Variants in ATP8A2 observed in about 807,000 individuals in gnomAD.
ATP8A2 encodes the protein phospholipid-transporting ATPase IB.
Under a neutral mutation model 165.6 loss-of-function variants are expected in ATP8A2, and 100 were observed. The observed-to-expected ratio is 0.60, with a 90% CI of 0.51 to 0.71. The LOEUF (loss-of-function observed/expected upper bound fraction) is 0.71, where lower values mean the gene tolerates loss of function less well. Among genes scored for constraint, ATP8A2 ranks in the 30% least tolerant of loss-of-function variants. ATP8A2 has a pLI of 0.00. For synonymous variants in ATP8A2, 543 were observed against 548.8 expected (o/e 0.99, Z 0.15); for missense variants, 1,227 against 1,479.5 (o/e 0.83, Z 2.80).
intron 33 of ATP8A2, chr13:25,871,214 G>A: frequency 2.4e-6 from 1 of 413,020 alleles, no homozygotes; most frequent in Admixed American, 3.2e-5. Flanking sequence ...CACATTACAT[G>A]CTGATTTTGT....
At chr13:25,989,819 G>A (rs1041554627) in intron 35 of ATP8A2, among the ~76,000 whole-genome samples, 1 of 152,108 alleles carries the variant, frequency 6.6e-6, no homozygotes, top group Non-Finnish European at 1.5e-5. Context: ...CATGCTTCCC[G>A]GAAGGGTGAA....
chr13:25,796,369 A>G (rs571395314), intron 27 of ATP8A2, among the ~76,000 whole-genome samples: 52 of 152,344 alleles, frequency 3.4e-4, no homozygotes, highest in African/African-American at 1.2e-3. Flanking sequence ...AGTGCTGGAA[A>G]TCATTCAATA....
chr13:25,885,250 C>G (rs1953108565), intron 33 of ATP8A2, among the ~76,000 whole-genome samples: 1 of 149,730 alleles, frequency 6.7e-6, no homozygotes, highest in Non-Finnish European at 1.5e-5. Flanking sequence ...GTAGCTGGGA[C>G]TACAGGTGCC....
At chr13:25,661,508 C>A (rs1245587873) in intron 24 of ATP8A2, among the ~76,000 whole-genome samples, 1 of 152,004 alleles carries the variant, frequency 6.6e-6, no homozygotes, top group East Asian at 1.9e-4. Flanking sequence ...TTCTTTCTTG[C>A]TCATTAACTT....
At chr13:25,896,771 C>G (rs1184244524) in intron 33 of ATP8A2, among the ~76,000 whole-genome samples, 2 of 152,056 alleles carry the variant, frequency 1.3e-5, no homozygotes, top group Non-Finnish European at 2.9e-5. Flanking sequence ...TGAATTGATC[C>G]CTTTACCATT....
intron 33 of ATP8A2, among the ~76,000 whole-genome samples, chr13:25,921,637 A>T (rs2139033735): frequency 6.6e-6 from 1 of 151,820 alleles, no homozygotes; most frequent in Admixed American, 6.6e-5. Flanking sequence ...AAAAAAAAAA[A>T]AGAAAAAAAC....
intron 10 of ATP8A2, among the ~76,000 whole-genome samples, chr13:25,548,820 G>A (rs1313451613): frequency 6.6e-6 from 1 of 152,212 alleles, no homozygotes; most frequent in Non-Finnish European, 1.5e-5. Context: ...AAAATCACCA[G>A]TACAATCCCC....
intron 35 of ATP8A2, among the ~76,000 whole-genome samples, chr13:26,004,380 A>G: frequency 6.6e-6 from 1 of 152,090 alleles, no homozygotes; most frequent in Non-Finnish European, 1.5e-5. Flanking sequence ...CAACCTTACT[A>G]AATTTACTAG....
rs1245061916 is a variant in ATP8A2, at chr13:25,836,462, G to A, written c.2755-701G>A. On this transcript the variant is annotated intron_variant, in intron 28 of 36. Coordinates refer to ENST00000381655, the MANE Select transcript of ATP8A2 (RefSeq NM_016529.6). ...CCAAATCATGTTGGTCTAATACCTT[G>A]CAGGTCAGATACTCTTTGGTGCAAG... Among the ~76,000 whole-genome samples the A allele has an allele frequency of 2.0e-5, 3 of 152,116 alleles. No homozygotes were observed. In the East Asian group the frequency reaches 5.8e-4, roughly 29 times the overall value.
intron 24 of ATP8A2, among the ~76,000 whole-genome samples, chr13:25,638,356 T>G (rs896312670): frequency 6.6e-6 from 1 of 151,816 alleles, no homozygotes; most frequent in African/African-American, 2.4e-5. Context: ...CTAAAAACCT[T>G]GAAAAAAGAT....
At chr13:25,745,042 G>A (rs1006242006) in intron 25 of ATP8A2, among the ~76,000 whole-genome samples, 1 of 152,072 alleles carries the variant, frequency 6.6e-6, no homozygotes, top group Non-Finnish European at 1.5e-5. Context: ...CCAGGTTCAA[G>A]CCGTTCTCCT....
chr13:25,570,023 A>G (rs1172524140), intron 16 of ATP8A2, among the ~76,000 whole-genome samples: 1 of 152,226 alleles, frequency 6.6e-6, no homozygotes, highest in Non-Finnish European at 1.5e-5. Flanking sequence ...CCCACTAGTT[A>G]TGAATGTGCT....
At chr13:25,903,047 C>T (rs1050238016) in intron 33 of ATP8A2, among the ~76,000 whole-genome samples, 6 of 151,604 alleles carry the variant, frequency 4.0e-5, no homozygotes, top group African/African-American at 9.7e-5. Context: ...ACCTGGGAGG[C>T]GGAGGTTGCA....
intron 33 of ATP8A2, among the ~76,000 whole-genome samples, chr13:25,943,749 A>G (rs1247109072): frequency 1.3e-5 from 2 of 152,256 alleles, no homozygotes; most frequent in African/African-American, 4.8e-5. Context: ...CTACTAAGGA[A>G]TAGTGAGGAA....
At chr13:25,406,810 G>A (rs2033815756) in intron 1 of ATP8A2, among the ~76,000 whole-genome samples, 1 of 152,230 alleles carries the variant, frequency 6.6e-6, no homozygotes, top group African/African-American at 2.4e-5. Flanking sequence ...TTCCAGGTCA[G>A]ATACTTATAT....
At chr13:25,424,735 A>G (rs1050425033) in intron 1 of ATP8A2, among the ~76,000 whole-genome samples, 4 of 152,200 alleles carry the variant, frequency 2.6e-5, no homozygotes, top group Admixed American at 6.5e-5. Context: ...AGGTGGGCAG[A>G]TCACCTGAGG....
intron 2 of ATP8A2, among the ~76,000 whole-genome samples, chr13:25,514,719 T>G (rs2037409061): frequency 6.6e-6 from 1 of 152,204 alleles, no homozygotes; most frequent in Non-Finnish European, 1.5e-5. Context: ...AGCTCCTCTG[T>G]GTATGGACTT....
chr13:25,527,236 G>A (rs905454575), intron 2 of ATP8A2, among the ~76,000 whole-genome samples: 5 of 152,066 alleles, frequency 3.3e-5, no homozygotes, highest in Admixed American at 6.6e-5. Flanking sequence ...ATTCAAATAG[G>A]AAGTTTGAAC....
intron 27 of ATP8A2, among the ~76,000 whole-genome samples, chr13:25,825,401 C>A (rs139544601): frequency 3.8e-4 from 58 of 151,852 alleles, no homozygotes; most frequent in Non-Finnish European, 7.1e-4. Context: ...TCAAGCAGTT[C>A]TCTCCCCCTG....
Sources: allele counts gnomAD v4.1 joint callset (sites outside exome capture counted in the v4.1 genomes callset), GRCh38; gene constraint gnomAD v4.1.1; transcripts MANE v1.5; gene names NCBI Gene and HGNC (gene_info 2026-07-23, HGNC 2026-07-21).